The following CCDC88C variants were observed in gnomAD, a reference collection of about 807,000 sequenced individuals.
The protein encoded by CCDC88C is coiled-coil and HOOK domain protein 88C, also known as protein Daple.
In CCDC88C, 131 loss-of-function variants were observed where a neutral mutation model predicts 198.8. The ratio of observed to expected loss-of-function variants is 0.66; its 90% CI spans 0.57 to 0.76. The LOEUF is 0.76. Among genes scored for constraint, CCDC88C ranks in the 30% least tolerant of loss-of-function variants. The pLI, the probability that CCDC88C is intolerant of heterozygous loss-of-function variation, is 0.00. For missense variants in CCDC88C, 2,553 were observed against 2,631.6 expected (o/e 0.97, Z 0.65); for synonymous variants, 1,166 against 1,114.7 (o/e 1.05, Z -0.92).
At chr14:91,278,356 G>T in intron 28 of CCDC88C, 145 bp from the exon 29 acceptor site, 1 of 741,996 alleles carries the variant, frequency 1.3e-6, no homozygotes, top group Non-Finnish European at 2.0e-6. Context: ...TTCCCACCAG[G>T]CTGAAAGTCT....
chr14:91,369,673 C>T (rs1423673905), intron 3 of CCDC88C, among the ~76,000 whole-genome samples: 4 of 152,214 alleles, frequency 2.6e-5, no homozygotes, highest in Non-Finnish European at 4.4e-5. Flanking sequence ...AAGAGGCTCT[C>T]CTCTCCACCC....
intron 3 of CCDC88C, chr14:91,379,776 G>C (rs1188388531): frequency 5.7e-6 from 4 of 700,404 alleles, no homozygotes; most frequent in Non-Finnish European, 5.2e-6. Context: ...GCCTCCTGCG[G>C]GGGTGTCTTG....
Position 91,299,957 on chromosome 14 carries a change from TCGC to T in CCDC88C, c.3746_3748del (p.Gly1249del). On this transcript the variant is annotated inframe_deletion, in exon 21 of 30. Coordinates refer to ENST00000389857, the MANE Select transcript of CCDC88C (RefSeq NM_001080414.4). ...CAGCTCGCCCCGCAGCCTCTGGTTC[TCGC>T]CCATGGCGAGGGCGTTTGTCCTCTG... The T allele has an allele frequency of 1.3e-6, 2 of 1,592,188 alleles. No individual in the cohort carries two copies. Among genetic ancestry groups the T allele is most frequent in the Non-Finnish European group, 1.7e-6 (2 of 1,171,352 alleles).
chr14:91,348,433 G>C lies in CCDC88C; in HGVS notation c.341-4776C>G, dbSNP rs547500481. On this transcript the variant is annotated intron_variant, in intron 4 of 29. Transcript: ENST00000389857. ...GGTGAAGCTGCAGTGAGCTTTGATT[G>C]TGCCACTGCACTGTAGCCTGGGCGA... 2.9e-4 allele frequency among the ~76,000 whole-genome samples: 44 copies of C among 151,526 alleles called. No individual in the cohort carries two copies. In the South Asian group the frequency reaches 9.0e-3, roughly 31 times the overall value.
chr14:91,306,215 G>A (rs1399339878), intron 18 of CCDC88C, among the ~76,000 whole-genome samples: 1 of 152,118 alleles, frequency 6.6e-6, no homozygotes, highest in Non-Finnish European at 1.5e-5. Context: ...GCTTTCCTTT[G>A]TTTTCTGTTG....
chr14:91,372,781 T>A (rs1894878343), intron 3 of CCDC88C, among the ~76,000 whole-genome samples: 1 of 152,018 alleles, frequency 6.6e-6, no homozygotes, highest in South Asian at 2.1e-4. Flanking sequence ...ACGTTGCTGC[T>A]GGGCCTCGGC....
chr14:91,274,923 G>C (rs1242637244), intron 29 of CCDC88C, among the ~76,000 whole-genome samples: 1 of 152,134 alleles, frequency 6.6e-6, no homozygotes, highest in Admixed American at 6.5e-5. Flanking sequence ...ACTCCACCAG[G>C]CTCCTCCCTG....
rs1291000686 is a variant in CCDC88C, at chr14:91,339,127, A to C, written c.809+151T>G. Reference sequence around the variant, plus strand: ...CTCAGAAGGGGAGGCAGCTAGTCCGAGGTCAAAGAGTAAGCTCAGGGCAGA... The same window carrying C: ...CTCAGAAGGGGAGGCAGCTAGTCCGCGGTCAAAGAGTAAGCTCAGGGCAGA... On this transcript the variant is annotated intron_variant, in intron 8 of 29. Transcript: ENST00000389857. This position sits in a 1 kb window ranked among gnomAD's most constrained non-coding sequence, Gnocchi z 5.8. 6 of 876,830 alleles carry C rather than the reference A, an allele frequency of 6.8e-6. No homozygotes were observed. Among genetic ancestry groups the C allele is most frequent in the African/African-American group, 1.7e-5 (1 of 60,236 alleles). The allele number at this position is 876,830 out of a possible 1,614,324, so 54.3% of individuals were successfully genotyped here.
intron 12 of CCDC88C, among the ~76,000 whole-genome samples, chr14:91,323,594 T>C (rs1416293712): frequency 6.6e-6 from 1 of 152,220 alleles, no homozygotes; most frequent in Non-Finnish European, 1.5e-5. Flanking sequence ...AGCTAGGCAC[T>C]AGGAGTTGAC....
chr14:91,389,378 G>A (rs923594606), intron 3 of CCDC88C, among the ~76,000 whole-genome samples: 1 of 152,186 alleles, frequency 6.6e-6, no homozygotes, highest in African/African-American at 2.4e-5. Context: ...GTGATTCCAA[G>A]TTCAAAGTCA....
At chr14:91,280,229 A>G (rs979577104) in intron 27 of CCDC88C, among the ~76,000 whole-genome samples, 4 of 152,184 alleles carry the variant, frequency 2.6e-5, no homozygotes, top group Non-Finnish European at 4.4e-5. Context: ...GAGCCACCTC[A>G]GGAGCCTGCA....
intron 3 of CCDC88C, 38 bp from the exon 4 acceptor site, chr14:91,359,749 C>A (rs1250508256): frequency 1.9e-6 from 3 of 1,560,218 alleles, no homozygotes; most frequent in African/African-American, 1.4e-5. Flanking sequence ...CATTAAGAAC[C>A]GGAAACAAAA....
intron 3 of CCDC88C, among the ~76,000 whole-genome samples, chr14:91,372,259 G>A (rs1213971888): frequency 6.6e-6 from 1 of 152,044 alleles, no homozygotes; most frequent in African/African-American, 2.4e-5. Flanking sequence ...AAGACAAGGA[G>A]GACAAAGCCT....
At chr14:91,274,981 C>G (rs577787756) in intron 29 of CCDC88C, among the ~76,000 whole-genome samples, 6 of 152,156 alleles carry the variant, frequency 3.9e-5, no homozygotes, top group South Asian at 2.1e-4. Flanking sequence ...ACGCAGGGAG[C>G]CCCATCTTGT....
chr14:91,322,289 C>T (rs1215068935), intron 12 of CCDC88C, among the ~76,000 whole-genome samples: 1 of 152,160 alleles, frequency 6.6e-6, no homozygotes, highest in African/African-American at 2.4e-5. Context: ...GGTTCAGATT[C>T]CCCGGGTGAT....
intron 26 of CCDC88C, among the ~76,000 whole-genome samples, chr14:91,282,085 C>CA (rs1389235081): frequency 6.6e-6 from 1 of 152,218 alleles, no homozygotes; most frequent in African/African-American, 2.4e-5. Context: ...CCCCACGCCT[C>CA]AAAATCCTGC....
In CCDC88C at chr14:91,359,790, T is replaced by C. The variant is rs531693516; in HGVS notation, c.271-79A>G. The C allele has an allele frequency of 2.2e-4, 298 of 1,326,832 alleles. No individual in the cohort carries two copies. In the African/African-American group the frequency reaches 3.9e-3, roughly 17 times the overall value. 82.2% of individuals were successfully genotyped at this position (1,326,832 alleles called of 1,614,324 possible). ...GAGGGATTAAGTAAATTACAAGTAA[T>C]GAAGCCCCCGGACGGGTGCACAGCC... On this transcript the variant is annotated intron_variant, in intron 3 of 29. Transcript: ENST00000389857.
chr14:91,309,135 G>A (rs771338355), intron 16 of CCDC88C, among the ~76,000 whole-genome samples: 10 of 152,302 alleles, frequency 6.6e-5, no homozygotes, highest in East Asian at 1.9e-4. Flanking sequence ...AGGCTGAGGC[G>A]TAAGAATCAC....
At chr14:91,357,298 C>A (rs1398784976) in intron 4 of CCDC88C, among the ~76,000 whole-genome samples, 2 of 152,236 alleles carry the variant, frequency 1.3e-5, no homozygotes, top group African/African-American at 4.8e-5. Flanking sequence ...GTCGTCCAGG[C>A]TGGAGTGCAG....
Sources: gnomAD v4.1 joint callset for allele counts (sites outside exome capture counted in the v4.1 genomes callset) on GRCh38, gnomAD v4.1.1 for gene constraint, Gnocchi (gnomAD v3.1) non-coding constraint, MANE v1.5 for transcripts, NCBI Gene and HGNC (gene_info 2026-07-23, HGNC 2026-07-21) for gene names.